The following COL6A5 variants were observed in gnomAD, a reference collection of about 807,000 sequenced individuals.
COL6A5 encodes the protein collagen type VI alpha 5 chain.
In COL6A5, 48 loss-of-function variants were observed where a neutral mutation model predicts 65.6. The ratio of observed to expected loss-of-function variants is 0.73; its 90% CI spans 0.58 to 0.93. COL6A5 has a LOEUF of 0.93. Ranked by LOEUF, COL6A5 falls within the 40% of genes least tolerant of loss-of-function variation. The pLI is 0.00. For synonymous variants in COL6A5, 291 were observed against 322.8 expected (o/e 0.90, Z 1.05); for missense variants, 914 against 928.3 (o/e 0.98, Z 0.20).
intron 1 of COL6A5, among the ~76,000 whole-genome samples, chr3:130,370,893 G>GAGCTA (rs1469525324): frequency 1.3e-5 from 2 of 152,310 alleles, no homozygotes; most frequent in African/African-American, 4.8e-5. Context: ...AATGGGAGCA[G>GAGCTA]AGCTAAGCCA....
intron 17 of COL6A5, among the ~76,000 whole-genome samples, chr3:130,408,257 G>A (rs1443744583): frequency 7.3e-6 from 1 of 137,234 alleles, no homozygotes; most frequent in East Asian, 2.4e-4. Context: ...GAAAACGAAT[G>A]CATTCCCGGT....
At chr3:130,357,152 C>T (rs746909043) in intron 1 of COL6A5, among the ~76,000 whole-genome samples, 11 of 151,972 alleles carry the variant, frequency 7.2e-5, no homozygotes, top group Non-Finnish European at 1.3e-4. Flanking sequence ...AGAAATTAGA[C>T]ATAACCCTAG....
At chr3:130,417,246 C>G (rs1051311872) in intron 24 of COL6A5, among the ~76,000 whole-genome samples, 3 of 152,066 alleles carry the variant, frequency 2.0e-5, no homozygotes, top group Non-Finnish European at 4.4e-5. Context: ...CATCCATGTT[C>G]CTGCAGAGGA....
intron 13 of COL6A5, among the ~76,000 whole-genome samples, chr3:130,405,158 C>A (rs901728918): frequency 2.0e-5 from 3 of 152,184 alleles, no homozygotes; most frequent in African/African-American, 7.2e-5. Context: ...AGTAGTGTCA[C>A]TTCCCAGCAA....
intron 7 of COL6A5, 45 bp from the exon 8 acceptor site, chr3:130,394,845 C>G (rs144121100): frequency 6.9e-7 from 1 of 1,442,926 alleles, no homozygotes; most frequent in East Asian, 2.5e-5. Flanking sequence ...GGAAAAATTT[C>G]GAATGATTCA....
chr3:130,480,491 G>T (rs189680461), intron 7 of COL6A5, among the ~76,000 whole-genome samples: 1 of 152,108 alleles, frequency 6.6e-6, no homozygotes, highest in East Asian at 1.9e-4. Context: ...TTTAAGGAGA[G>T]AAATGAACAC....
chr3:130,391,404 T>C (rs779019608), exon 7 of COL6A5: 6 of 1,551,696 alleles, frequency 3.9e-6, no homozygotes, highest in Non-Finnish European at 4.4e-6. Flanking sequence ...ATTGAGAATC[T>C]GCGGAAGCGC....
chr3:130,444,878 G>T (rs1230527176), intron 4 of COL6A5, among the ~76,000 whole-genome samples: 2 of 152,182 alleles, frequency 1.3e-5, no homozygotes, highest in South Asian at 4.1e-4. Flanking sequence ...CTACCTAGAA[G>T]TTGTCCTTTG....
exon 3 of COL6A5, chr3:130,376,635 G>A: frequency 6.2e-7 from 1 of 1,612,304 alleles, no homozygotes; most frequent in Non-Finnish European, 8.5e-7. Context: ...GGCTTCGAAA[G>A]CCCTGCAGAA....
intron 7 of COL6A5, among the ~76,000 whole-genome samples, chr3:130,478,478 A>G (rs1413675090): frequency 6.6e-6 from 1 of 152,078 alleles, no homozygotes; most frequent in African/African-American, 2.4e-5. Flanking sequence ...TTTCCAATGC[A>G]TGGATTTCAA....
At chr3:130,364,309 T>A (rs1453244) in intron 1 of COL6A5, among the ~76,000 whole-genome samples, 148,567 of 152,348 alleles carry the variant, frequency 0.98, 72,573 homozygotes, top group East Asian at 1. Flanking sequence ...ACTCTGCATA[T>A]CCATTTCTGC....
intron 27 of COL6A5, among the ~76,000 whole-genome samples, chr3:130,422,042 C>A (rs200365029): frequency 7.8e-4 from 118 of 152,074 alleles, no homozygotes; most frequent in African/African-American, 2.6e-3. Flanking sequence ...TATTAAAATA[C>A]AAAATATGGG....
chr3:130,466,727 A>T (rs1709826604), intron 5 of COL6A5, among the ~76,000 whole-genome samples: 1 of 152,004 alleles, frequency 6.6e-6, no homozygotes, highest in African/African-American at 2.4e-5. Context: ...AATTAAACTC[A>T]CCAGGAACAA....
intron 1 of COL6A5, among the ~76,000 whole-genome samples, chr3:130,364,498 T>C (rs1935258543): frequency 1.3e-5 from 2 of 152,194 alleles, no homozygotes; most frequent in Admixed American, 1.3e-4. Context: ...AGTATACATC[T>C]TAGCTATTAA....
rs937037591 is a variant in COL6A5 at position 130,414,146 on chromosome 3, T to C, written c.4761+15T>C. ...AAGGCCCACAGGTGTGTTGGAATAT[T>C]TTGTAAATATTGATAAATGCTGTAA... On this transcript the variant is annotated intron_variant and NMD_transcript_variant, in intron 22 of 41. Transcript: ENST00000312481. 2.0e-6 allele frequency: 3 copies of C among 1,528,282 alleles called. No homozygotes were observed. The highest frequency in any genetic ancestry group is 1.8e-6 in the Non-Finnish European group (2 of 1,126,132). 94.7% of individuals were successfully genotyped at this position (1,528,282 alleles called of 1,614,324 possible). A position where few individuals can be genotyped will look rare whatever the true frequency, so the allele number is the denominator to read the frequency against.
At chr3:130,421,293 G>C (rs1349231019) in intron 26 of COL6A5, 32 bp from the exon 27 acceptor site, 2 of 1,549,708 alleles carry the variant, frequency 1.3e-6, no homozygotes, top group East Asian at 4.9e-5. Flanking sequence ...GTGATATGTT[G>C]ATGTATTTAT....
At position 130,446,982 on chromosome 3, in the gene COL6A5, A is replaced by G. The variant is rs188158064; in HGVS notation, c.1332+3416A>G. On this transcript the variant is annotated intron_variant, in intron 4 of 7. Coordinates refer to ENST00000512836, the Ensembl canonical transcript of COL6A5. ...TAGTTAAATCATGTTTTGGTTGTTC[A>G]GACTGTTTGGACAATTGGGTTTTTA... Among the ~76,000 whole-genome samples, 265 of 152,244 alleles carry G rather than the reference A, an allele frequency of 1.7e-3. 1 individual carries two copies. Among genetic ancestry groups the G allele is most frequent in the African/African-American group, 5.6e-3 (231 of 41,560 alleles).
chr3:130,448,693 G>C (rs2896543), intron 4 of COL6A5, among the ~76,000 whole-genome samples: 126,509 of 152,036 alleles, frequency 0.83, 54,184 homozygotes, highest in Non-Finnish European at 0.93. Flanking sequence ...AGAATATAGG[G>C]CTTGGGAAAT....
At chr3:130,358,082 G>A (rs1461092063) in intron 1 of COL6A5, among the ~76,000 whole-genome samples, 2 of 151,974 alleles carry the variant, frequency 1.3e-5, no homozygotes, top group African/African-American at 4.8e-5. Flanking sequence ...CCAGCTACTC[G>A]GGAGGCTGAG....
Sources: allele counts gnomAD v4.1 joint callset (sites outside exome capture counted in the v4.1 genomes callset), GRCh38; gene constraint gnomAD v4.1.1; transcripts MANE v1.5; gene names NCBI Gene and HGNC (gene_info 2026-07-23, HGNC 2026-07-21).